The following ZHX1 variants were observed in gnomAD, a reference collection of about 807,000 sequenced individuals.
ZHX1 encodes zinc fingers and homeoboxes 1.
A neutral mutation model predicts 61.8 loss-of-function variants in ZHX1; 20 were observed. The ratio of observed to expected loss-of-function variants is 0.32; its 90% CI spans 0.23 to 0.47. ZHX1 has a LOEUF of 0.47. Ranked by LOEUF, ZHX1 falls within the 20% of genes least tolerant of loss-of-function variation. ZHX1 has a pLI of 1.00. For missense variants in ZHX1, 800 were observed against 1,034.8 expected, an observed-to-expected ratio of 0.77 and a Z score of 3.11; for synonymous variants, 318 against 352.6, an observed-to-expected ratio of 0.90 and a Z score of 1.10.
In ZHX1 at chr8:123,255,290, T is replaced by G; in HGVS notation, c.657A>C (p.Glu219Asp). The G allele has an allele frequency of 6.2e-7, 1 of 1,614,226 alleles. No homozygotes were observed. Among genetic ancestry groups the G allele is most frequent in the Non-Finnish European group, 8.5e-7 (1 of 1,180,042 alleles). ...EKENEIKPDR[E>D]EIVENPSSSA... ...AAGAACTTGGATTTTCTACAATTTC[T>G]TCACGGTCTGGTTTGATTTCATTCT... The change falls in exon 3 of 4, where the codon GAA becomes GAC. Residue 219 changes from glutamate (E) to aspartate (D), a missense_variant. Glu to Asp is a conservative substitution (Grantham distance 45, BLOSUM62 2). Coordinates refer to ENST00000395571, the MANE Select transcript of ZHX1 (RefSeq NM_007222.5).
At chr8:123,262,746 T>A (rs927584268) in intron 2 of ZHX1, 5 of 152,162 alleles carry the variant, frequency 3.3e-5, no homozygotes, top group Non-Finnish European at 5.9e-5. Flanking sequence ...AATATTTCTA[T>A]GGCCAGTTTA....
At chr8:123,259,912 C>A (rs1047641041) in intron 2 of ZHX1, among the ~76,000 whole-genome samples, 1 of 152,196 alleles carries the variant, frequency 6.6e-6, no homozygotes, top group African/African-American at 2.4e-5. Context: ...TTAATCCCAG[C>A]ACTTTGGGAG....
In ZHX1 at chr8:123,255,301, G is replaced by T. The variant is rs1233687467; in HGVS notation, c.646C>A (p.Pro216Thr). The T allele has an allele frequency of 2.5e-6, 4 of 1,613,992 alleles. No individual in the cohort carries two copies. The highest frequency in any genetic ancestry group is 1.7e-5 in the Admixed American group (1 of 59,994). ...VPEEKENEIK[P>T]DREEIVENPS... is the part of the protein sequence containing the mutation. ...TTTTCTACAATTTCTTCACGGTCTG[G>T]TTTGATTTCATTCTCTTTCTCTTCA... The change falls in exon 3 of 4, where the codon CCA becomes ACA. Residue 216 changes from proline (P) to threonine (T), a missense_variant. By Grantham distance (38) the Pro-to-Thr change is conservative. Coordinates refer to ENST00000395571, the MANE Select transcript of ZHX1 (RefSeq NM_007222.5).
rs764258193 is a variant in ZHX1 at position 123,255,324 on chromosome 8, T to C, written c.623A>G (p.Glu208Gly). The change falls in exon 3 of 4, where the codon GAA (glutamate) becomes GGA (glycine). Residue 208 changes from glutamate (E) to glycine (G), a missense_variant. Coordinates refer to ENST00000395571, the MANE Select transcript of ZHX1 (RefSeq NM_007222.5). ...TGGTTTGATTTCATTCTCTTTCTCT[T>C]CAGGAACGTCCTCAACTGAGTTATG... ...VHHNSVEDVPEEKENEIKPDR... is the reference protein window; with the variant it reads ...VHHNSVEDVPGEKENEIKPDR... 8 of 1,614,042 alleles carry C rather than the reference T, an allele frequency of 5.0e-6. No homozygotes were observed. The highest frequency in any genetic ancestry group is 5.1e-6 in the Non-Finnish European group (6 of 1,180,028).
intron 3 of ZHX1, among the ~76,000 whole-genome samples, chr8:123,252,067 T>C (rs1825935413): frequency 6.6e-6 from 1 of 152,172 alleles, no homozygotes. Context: ...GGGATACTCA[T>C]GCAAAAAGCC....
chr8:123,256,075 T>A lies in ZHX1; in HGVS notation c.-129A>T. Reference sequence around the variant, plus strand: ...CATTTTTGTGCTCAACAAGTCTCATTAGCAGCTTTCTCATGGTGCAATCAA... The same window carrying A: ...CATTTTTGTGCTCAACAAGTCTCATAAGCAGCTTTCTCATGGTGCAATCAA... On this transcript the variant is annotated 5_prime_UTR_variant, in exon 3 of 4. Transcript: ENST00000395571. 1.3e-6 allele frequency: 1 copy of A among 755,008 alleles called. No individual in the cohort carries two copies. Among genetic ancestry groups the A allele is most frequent in the Non-Finnish European group, 2.0e-6 (1 of 488,408 alleles). The allele number at this position is 755,008 out of a possible 1,614,324, so 46.8% of individuals were successfully genotyped here.
At chr8:123,266,601 C>A (rs1172908125) in intron 2 of ZHX1, among the ~76,000 whole-genome samples, 1 of 151,924 alleles carries the variant, frequency 6.6e-6, no homozygotes, top group African/African-American at 2.4e-5. Flanking sequence ...AATATAAAAA[C>A]AATTATGTAC....
chr8:123,252,743 T>A (rs182236757), intron 3 of ZHX1: 80 of 152,298 alleles, frequency 5.3e-4, no homozygotes, highest in African/African-American at 1.8e-3. Context: ...CTGAGTAATT[T>A]CATAAATACA....
Position 123,254,662 on chromosome 8 carries a change from T to A in ZHX1, c.1285A>T (p.Ser429Cys). The change falls in exon 3 of 4, where the codon AGT becomes TGT. Residue 429 changes from serine (S) to cysteine (C), a missense_variant. Coordinates refer to ENST00000395571, the MANE Select transcript of ZHX1 (RefSeq NM_007222.5). This position sits in a 1 kb window ranked among gnomAD's most constrained non-coding sequence, Gnocchi z 4.1. ...GVPSQNNIQK[S>C]QVPAAQPTAE... ...GTAGGCTGAGCAGCAGGTACCTGAC[T>A]TTTCTGTATATTATTTTGACTTGGA... is the stretch of plus-strand genomic sequence containing the variant. 6.2e-7 allele frequency: 1 copy of A among 1,614,170 alleles called. No homozygotes were observed. The highest frequency in any genetic ancestry group is 8.5e-7 in the Non-Finnish European group (1 of 1,180,028).
chr8:123,263,048 G>A (rs976020230), intron 2 of ZHX1: 1 of 147,240 alleles, frequency 6.8e-6, no homozygotes, highest in African/African-American at 2.5e-5. Context: ...GAGTGGAGGG[G>A]AAGGGAGGCT....
rs1825971538 is a variant in ZHX1, at chr8:123,253,396, C to T, written c.2551G>A (p.Glu851Lys). 2 of 1,613,918 alleles carry T rather than the reference C, an allele frequency of 1.2e-6. No individual in the cohort carries two copies. Among genetic ancestry groups the T allele is most frequent in the Admixed American group, 1.7e-5 (1 of 60,018 alleles). ...TCCCAAGTGTCACTATCATCTGTTT[C>T]TTCTTCATCCTCTTCCTGGTCATCA... Reference protein sequence around the residue: ...VIDDQEEDEEETDDSDTWEPP... With the variant: ...VIDDQEEDEEKTDDSDTWEPP... Residue 851 changes from glutamate to lysine, a missense_variant, in exon 3 of 4, where the codon GAA (glutamate) becomes AAA (lysine). Coordinates refer to ENST00000395571, the MANE Select transcript of ZHX1 (RefSeq NM_007222.5).
At chr8:123,268,560 C>T (rs894475142) in intron 1 of ZHX1, among the ~76,000 whole-genome samples, 6 of 151,954 alleles carry the variant, frequency 3.9e-5, no homozygotes, top group East Asian at 1.9e-4. Context: ...GGCGCAATAT[C>T]GAATCACTGC....
chr8:123,253,961 G>T lies in ZHX1; in HGVS notation c.1986C>A (p.Gly662=). Residue 662 remains glycine, a synonymous_variant, in exon 3 of 4, where the codon GGC becomes GGA. Coordinates refer to ENST00000395571, the MANE Select transcript of ZHX1 (RefSeq NM_007222.5). ...ESGAPKSGST[G]KICKKTPEQL... ...GCTCAGGTGTTTTTTTACATATCTT[G>T]CCTGTACTCCCTGACTTAGGTGCAC... is the stretch of plus-strand genomic sequence containing the variant. 1 of 1,614,120 alleles carries T rather than the reference G, an allele frequency of 6.2e-7. No homozygotes were observed. Among genetic ancestry groups the T allele is most frequent in the Non-Finnish European group, 8.5e-7 (1 of 1,180,014 alleles).
In ZHX1 at chr8:123,255,290, T is replaced by C. The variant is rs1460472731; in HGVS notation, c.657A>G (p.Glu219=). The change falls in exon 3 of 4, where the codon GAA becomes GAG. Residue 219 remains glutamate, a synonymous_variant. Transcript: ENST00000395571. ...EKENEIKPDR[E]EIVENPSSSA... ...AAGAACTTGGATTTTCTACAATTTC[T>C]TCACGGTCTGGTTTGATTTCATTCT... 6 of 1,614,226 alleles carry C rather than the reference T, an allele frequency of 3.7e-6. No homozygotes were observed. Among genetic ancestry groups the C allele is most frequent in the Non-Finnish European group, 5.1e-6 (6 of 1,180,042 alleles).
rs1247254090 is a variant in ZHX1, at chr8:123,256,061, T to G, written c.-115A>C. The G allele has an allele frequency of 1.1e-5, 10 of 902,390 alleles. No homozygotes were observed. The Admixed American group carries it at 2.2e-4, about 20-fold the overall frequency. The allele number at this position is 902,390 out of a possible 1,614,324, so 55.9% of individuals were successfully genotyped here. On this transcript the variant is annotated 5_prime_UTR_variant, in exon 3 of 4. Coordinates refer to ENST00000395571, the MANE Select transcript of ZHX1 (RefSeq NM_007222.5). ...TGGTTCTTCAAGTCCATTTTTGTGC[T>G]CAACAAGTCTCATTAGCAGCTTTCT... is the stretch of plus-strand genomic sequence containing the variant.
At chr8:123,261,703 T>C (rs144080441) in intron 2 of ZHX1, among the ~76,000 whole-genome samples, 2 of 152,306 alleles carry the variant, frequency 1.3e-5, no homozygotes, top group African/African-American at 4.8e-5. Context: ...GAAGTAAAAA[T>C]GCTTCCTTCA....
rs767141636 is a variant in ZHX1, at chr8:123,254,339, G to A, written c.1608C>T (p.Thr536=). 1.2e-6 allele frequency: 2 copies of A among 1,614,040 alleles called. No homozygotes were observed. Among genetic ancestry groups the A allele is most frequent in the Non-Finnish European group, 1.7e-6 (2 of 1,179,986 alleles). The change falls in exon 3 of 4, where the codon ACC becomes ACT. Residue 536 remains threonine, a synonymous_variant. Transcript: ENST00000395571. The surrounding 1 kb of genome is among the most constrained non-coding windows in gnomAD (Gnocchi z 4.1). The part of the protein sequence containing the change: ...QCLHLNNDSS[T]TIIIDSSDET... ...CATCACTGGAGTCTATAATAATGGTGGTAGAGGAATCATTGTTGAGATGTA... is the reference window on the plus strand; with the variant it reads ...CATCACTGGAGTCTATAATAATGGTAGTAGAGGAATCATTGTTGAGATGTA...
chr8:123,267,215 C>T, intron 2 of ZHX1, 58 bp downstream of exon 2: 1 of 1,483,690 alleles, frequency 6.7e-7, no homozygotes, highest in Non-Finnish European at 9.1e-7. Context: ...ATCATGGGAT[C>T]TAAAGTGAGT....
rs747411383 is a variant in ZHX1 at position 123,254,877 on chromosome 8, T to C, written c.1070A>G (p.Asn357Ser). ...CTGAGGTACAGTATGCACTGTTCCA[T>C]TGAATTGTTTCCTTCTTGCCTCCTC... ...EVEEARRKQF[N>S]GTVHTVPQTI... is the part of the protein sequence containing the mutation. Residue 357 changes from asparagine to serine, a missense_variant, in exon 3 of 4, where the codon AAT becomes AGT. By Grantham distance (46) the Asn-to-Ser change is conservative. Coordinates refer to ENST00000395571, the MANE Select transcript of ZHX1 (RefSeq NM_007222.5). This position sits in a 1 kb window ranked among gnomAD's most constrained non-coding sequence, Gnocchi z 4.1. 1.5e-5 allele frequency: 24 copies of C among 1,614,098 alleles called. No homozygotes were observed. Among genetic ancestry groups the C allele is most frequent in the South Asian group, 7.7e-5 (7 of 91,092 alleles).
Sources: allele counts gnomAD v4.1 joint callset (sites outside exome capture counted in the v4.1 genomes callset), GRCh38; gene constraint gnomAD v4.1.1; non-coding constraint Gnocchi (gnomAD v3.1); transcripts MANE v1.5; gene names NCBI Gene and HGNC (gene_info 2026-07-23, HGNC 2026-07-21).